The following TAFA5 variants were observed in gnomAD, a reference collection of about 807,000 sequenced individuals.
TAFA5 encodes the protein TAFA chemokine like family member 5.
In TAFA5, 6 loss-of-function variants were observed where a neutral mutation model predicts 15.3. The ratio of observed to expected loss-of-function variants is 0.39; its 90% CI spans 0.21 to 0.77. The LOEUF (loss-of-function observed/expected upper bound fraction) is 0.77, where lower values mean the gene tolerates loss of function less well. Ranked by LOEUF, TAFA5 falls within the 30% of genes least tolerant of loss-of-function variation. TAFA5 has a pLI of 0.41. For missense variants in TAFA5, 161 were observed against 193.1 expected, an observed-to-expected ratio of 0.83 and a Z score of 0.98; for synonymous variants, 103 against 80.7, an observed-to-expected ratio of 1.28 and a Z score of -1.48.
At chr22:48,691,146 G>A (rs760233536) in intron 2 of TAFA5, among the ~76,000 whole-genome samples, 14 of 152,180 alleles carry the variant, frequency 9.2e-5, no homozygotes, top group Admixed American at 7.2e-4. Context: ...GCCTCAGGGC[G>A]GCCCGGGGAC....
chr22:48,584,191 A>G (rs892141246), intron 1 of TAFA5, among the ~76,000 whole-genome samples: 6 of 150,640 alleles, frequency 4.0e-5, no homozygotes, highest in African/African-American at 1.5e-4. Context: ...CACTCACCAC[A>G]CAAAATACAC....
At chr22:48,551,253 CA>C (rs1156236016) in intron 1 of TAFA5, among the ~76,000 whole-genome samples, 2 of 152,130 alleles carry the variant, frequency 1.3e-5, no homozygotes, top group South Asian at 2.1e-4. Flanking sequence ...CCCTGGAAGG[CA>C]GGGAGCCCCC....
At chr22:48,534,816 C>T (rs1922096773) in intron 1 of TAFA5, among the ~76,000 whole-genome samples, 2 of 152,094 alleles carry the variant, frequency 1.3e-5, no homozygotes, top group Admixed American at 1.3e-4. Context: ...GGACACGGGG[C>T]TGGGAGCCGC....
At chr22:48,657,660 C>T (rs537700144) in intron 2 of TAFA5, among the ~76,000 whole-genome samples, 1 of 152,312 alleles carries the variant, frequency 6.6e-6, no homozygotes, top group South Asian at 2.1e-4. Flanking sequence ...GCACGTGTCT[C>T]TCCTGCAGCA....
rs946808753 is a variant in TAFA5 at position 48,750,830 on chromosome 22, T to A, written c.*983T>A. The A allele has an allele frequency of 2.6e-5, 4 of 152,636 alleles. No homozygotes were observed. Among genetic ancestry groups the A allele is most frequent in the African/African-American group, 9.6e-5 (4 of 41,468 alleles). 9.5% of individuals were successfully genotyped at this position (152,636 alleles called of 1,614,324 possible). On this transcript the variant is annotated 3_prime_UTR_variant, in exon 4 of 4. Coordinates refer to ENST00000402357, the MANE Select transcript of TAFA5 (RefSeq NM_001082967.3). ...GTATTTTGCAAAGCCTAAAGTTATA[T>A]ATTTAACAGTTTTTATATGTTGTAT...
chr22:48,530,825 G>A lies in TAFA5; in HGVS notation c.112+41121G>A, dbSNP rs1240584249. Among the ~76,000 whole-genome samples the A allele has an allele frequency of 2.0e-5, 3 of 152,176 alleles. No individual in the cohort carries two copies. Among genetic ancestry groups the A allele is most frequent in the East Asian group, 1.9e-4 (1 of 5,184 alleles). On this transcript the variant is annotated intron_variant, in intron 1 of 3. Transcript: ENST00000402357. The surrounding 1 kb of genome is among the most constrained non-coding windows in gnomAD (Gnocchi z 6.0). ...GTTTGGGGCAGGAGAGGCGACCCCA[G>A]TGCGTGTGGCTATGGGCTTCGACAA...
chr22:48,737,089 G>C (rs978726307), intron 3 of TAFA5, among the ~76,000 whole-genome samples: 1 of 152,090 alleles, frequency 6.6e-6, no homozygotes, highest in Admixed American at 6.5e-5. Flanking sequence ...AGCAGCTGCA[G>C]GTGGGGGCTG....
intron 1 of TAFA5, among the ~76,000 whole-genome samples, chr22:48,553,599 G>T (rs929625569): frequency 6.6e-6 from 1 of 152,176 alleles, no homozygotes; most frequent in Admixed American, 6.5e-5. Flanking sequence ...AGGCACCACT[G>T]TCCTTGACTC....
intron 1 of TAFA5, among the ~76,000 whole-genome samples, chr22:48,533,293 G>A (rs1051733249): frequency 1.3e-5 from 2 of 152,180 alleles, no homozygotes; most frequent in African/African-American, 4.8e-5. Flanking sequence ...GGGTGCAGCC[G>A]TCAAACCTTT....
At chr22:48,631,719 C>A (rs554674534) in intron 1 of TAFA5, among the ~76,000 whole-genome samples, 1 of 152,206 alleles carries the variant, frequency 6.6e-6, no homozygotes, top group Non-Finnish European at 1.5e-5. Context: ...CTGGATCTCA[C>A]GTTGAGAGGA....
At position 48,690,934 on chromosome 22, in the gene TAFA5, C is replaced by T. The variant is rs112045921; in HGVS notation, c.263-16783C>T. ...AGGACGCCTCGCCTCCTGAGCTTAC[C>T]CCACATCTGGATGGGGTCCAGAGAG... On this transcript the variant is annotated intron_variant, in intron 2 of 3. Transcript: ENST00000402357. 1.6e-3 allele frequency among the ~76,000 whole-genome samples: 239 copies of T among 152,254 alleles called. 1 individual carries two copies. Among genetic ancestry groups the T allele is most frequent in the African/African-American group, 5.6e-3 (233 of 41,556 alleles).
At chr22:48,622,863 C>A (rs1925888837) in intron 1 of TAFA5, among the ~76,000 whole-genome samples, 1 of 152,222 alleles carries the variant, frequency 6.6e-6, no homozygotes, top group African/African-American at 2.4e-5. Flanking sequence ...CCCTGGAGGT[C>A]TCGGCTGTGT....
chr22:48,551,166 A>G (rs963600280), intron 1 of TAFA5, among the ~76,000 whole-genome samples: 2 of 152,004 alleles, frequency 1.3e-5, no homozygotes, highest in African/African-American at 4.8e-5. Context: ...CTCTGACAGC[A>G]CAGCCATGCT....
chr22:48,630,131 G>T (rs1017841078), intron 1 of TAFA5, among the ~76,000 whole-genome samples: 4 of 152,082 alleles, frequency 2.6e-5, no homozygotes, highest in Non-Finnish European at 5.9e-5. Flanking sequence ...TCTCTAAATA[G>T]GGTGCTCTGC....
intron 2 of TAFA5, among the ~76,000 whole-genome samples, chr22:48,675,394 C>A (rs1927940928): frequency 6.6e-6 from 1 of 152,242 alleles, no homozygotes; most frequent in African/African-American, 2.4e-5. Flanking sequence ...GGATGCAGAG[C>A]AGCCTTCAGG....
intron 3 of TAFA5, among the ~76,000 whole-genome samples, chr22:48,746,973 C>A (rs1005446975): frequency 6.6e-6 from 1 of 152,224 alleles, no homozygotes; most frequent in Admixed American, 6.5e-5. Context: ...TCCAGTAGGA[C>A]CCTCGCCCAT....
intron 1 of TAFA5, among the ~76,000 whole-genome samples, chr22:48,563,760 C>T (rs1312195581): frequency 2.0e-5 from 3 of 152,220 alleles, no homozygotes; most frequent in Admixed American, 6.5e-5. Context: ...GGGAGGACAC[C>T]AGCTTCCTGA....
At chr22:48,571,271 CTTTTTT>C (rs869050468) in intron 1 of TAFA5, among the ~76,000 whole-genome samples, 10 of 97,712 alleles carry the variant, frequency 1.0e-4, no homozygotes. Flanking sequence ...TTGTTGTTTG[CTTTTTT>C]TTTTTTTTTT....
At chr22:48,558,714 C>T (rs1256286778) in intron 1 of TAFA5, among the ~76,000 whole-genome samples, 1 of 152,188 alleles carries the variant, frequency 6.6e-6, no homozygotes, top group Admixed American at 6.5e-5. Context: ...TGTAGACCAG[C>T]GAGGTCCAGT....
Sources: gnomAD v4.1 joint callset for allele counts (sites outside exome capture counted in the v4.1 genomes callset) on GRCh38, gnomAD v4.1.1 for gene constraint, Gnocchi (gnomAD v3.1) non-coding constraint, MANE v1.5 for transcripts, NCBI Gene and HGNC (gene_info 2026-07-23, HGNC 2026-07-21) for gene names.